The following SDK1 variants were observed in gnomAD, a reference collection of about 807,000 sequenced individuals.
SDK1 encodes the protein protein sidekick-1.
SDK1 carries 157 observed loss-of-function variants against 245.5 expected under a neutral mutation model. That is an observed-to-expected ratio of 0.64 (90% CI 0.56 to 0.73). The LOEUF is 0.73. SDK1 is among the 30% of genes least tolerant of loss of function. The probability of loss-of-function intolerance (pLI) is 0.00; values close to 1 mark genes in which losing one functional copy is unlikely to be tolerated. For synonymous variants in SDK1, 1,647 were observed against 1,278.5 expected (o/e 1.29, Z -6.15); for missense variants, 3,583 against 3,002.3 (o/e 1.19, Z -4.52).
intron 17 of SDK1, 112 bp downstream of exon 17, chr7:4,017,464 G>T: frequency 2.2e-6 from 2 of 915,334 alleles, no homozygotes; most frequent in Non-Finnish European, 3.2e-6. Context: ...GTCCCCTAGG[G>T]AGCGTTTACA....
In SDK1 at chr7:3,945,272, C is replaced by T. The variant is rs748448726; in HGVS notation, c.848-5651C>T. ...CACACTCTGGGATTTAGCGTCCCTT[C>T]GGAATAATAGTGAGTGTTTCACTTT... On this transcript the variant is annotated intron_variant, in intron 5 of 44. Coordinates refer to ENST00000404826, the MANE Select transcript of SDK1 (RefSeq NM_152744.4). Among the ~76,000 whole-genome samples the T allele has an allele frequency of 2.3e-4, 35 of 152,234 alleles. 1 individual carries two copies. Among genetic ancestry groups the T allele is most frequent in the Non-Finnish European group, 3.4e-4 (23 of 68,008 alleles).
chr7:4,075,958 TTTTTCTC>T (rs1247821468), intron 20 of SDK1, among the ~76,000 whole-genome samples: 2 of 152,094 alleles, frequency 1.3e-5, no homozygotes, highest in Non-Finnish European at 2.9e-5. Context: ...CCGCAGGTCT[TTTTTCTC>T]TAAGCCCCAA....
intron 34 of SDK1, among the ~76,000 whole-genome samples, chr7:4,177,488 G>A (rs1443926767): frequency 2.0e-5 from 3 of 152,172 alleles, no homozygotes; most frequent in Non-Finnish European, 4.4e-5. Context: ...GGACACGGCC[G>A]CTAAGGTCTC....
In SDK1 at chr7:4,063,146, A is replaced by G. The variant is rs532529480; in HGVS notation, c.2912-4692A>G. On this transcript the variant is annotated intron_variant, in intron 19 of 44. Coordinates refer to ENST00000404826, the MANE Select transcript of SDK1 (RefSeq NM_152744.4). The stretch of plus-strand genomic sequence containing the variant: ...AGGAATAAAAGGCATCTAAATTGGA[A>G]AAGAGGAAGTCAGATTGTTCTCTTT... Among the ~76,000 whole-genome samples the G allele has an allele frequency of 1.1e-4, 17 of 152,330 alleles. 1 individual carries two copies. Among genetic ancestry groups the G allele is most frequent in the Admixed American group, 2.6e-4 (4 of 15,308 alleles).
chr7:3,567,744 T>C (rs1298396790), intron 1 of SDK1, among the ~76,000 whole-genome samples: 1 of 152,250 alleles, frequency 6.6e-6, no homozygotes, highest in East Asian at 1.9e-4. Context: ...TAGAGGGCTG[T>C]GCCTTTGATG....
At position 4,138,804 on chromosome 7, in the gene SDK1, GA is replaced by G. The variant is rs1488500132; in HGVS notation, c.4228+6385del. On this transcript the variant is annotated intron_variant, in intron 28 of 44. Transcript: ENST00000404826. Reference sequence around the variant, plus strand: ...AAGGAAGGAGGGAAGGAAAAGAAAAGAAAAGAAAATTGATGACTAAAAAAAG... The same window carrying G: ...AAGGAAGGAGGGAAGGAAAAGAAAAGAAAGAAAATTGATGACTAAAAAAAG... Among the ~76,000 whole-genome samples the G allele has an allele frequency of 7.3e-5, 11 of 151,460 alleles. No individual in the cohort carries two copies. The East Asian group carries it at 2.1e-3, about 29-fold the overall frequency.
At chr7:3,634,281 T>C (rs1206931579) in intron 2 of SDK1, among the ~76,000 whole-genome samples, 2 of 152,192 alleles carry the variant, frequency 1.3e-5, no homozygotes, top group African/African-American at 2.4e-5. Flanking sequence ...CAGCAGTTGT[T>C]CCTGGGCTGA....
chr7:3,593,756 G>A (rs1414951911), intron 1 of SDK1, among the ~76,000 whole-genome samples: 1 of 152,150 alleles, frequency 6.6e-6, no homozygotes, highest in African/African-American at 2.4e-5. Context: ...TACGCAAGAG[G>A]GCATATGGCA....
chr7:3,687,433 C>G (rs948039165), intron 4 of SDK1, among the ~76,000 whole-genome samples: 1 of 152,174 alleles, frequency 6.6e-6, no homozygotes, highest in Non-Finnish European at 1.5e-5. Flanking sequence ...AGCCCCATAG[C>G]ATTTTTATTC....
intron 16 of SDK1, among the ~76,000 whole-genome samples, chr7:4,016,684 C>T (rs140302010): frequency 4.6e-5 from 7 of 152,248 alleles, no homozygotes; most frequent in East Asian, 1.9e-4. Flanking sequence ...TTTTCAAAGC[C>T]GCTGATTCTT....
At chr7:3,999,246 G>A (rs1026752974) in intron 14 of SDK1, among the ~76,000 whole-genome samples, 1 of 151,942 alleles carries the variant, frequency 6.6e-6, no homozygotes, top group Non-Finnish European at 1.5e-5. Context: ...CATTCCCTTG[G>A]GTACAGAGCA....
intron 1 of SDK1, among the ~76,000 whole-genome samples, chr7:3,564,887 A>G (rs1392874420): frequency 6.6e-6 from 1 of 152,112 alleles, no homozygotes; most frequent in Non-Finnish European, 1.5e-5. Flanking sequence ...TGAATGTAAC[A>G]GTGTACATTA....
intron 2 of SDK1, among the ~76,000 whole-genome samples, chr7:3,634,975 A>G (rs1441610211): frequency 2.0e-5 from 3 of 152,228 alleles, no homozygotes; most frequent in Admixed American, 6.5e-5. Context: ...TGTTGCAGTG[A>G]TAAAACTGTC....
At chr7:4,101,896 G>T (rs1269275997) in intron 22 of SDK1, among the ~76,000 whole-genome samples, 1 of 152,194 alleles carries the variant, frequency 6.6e-6, no homozygotes, top group Admixed American at 6.5e-5. Flanking sequence ...CAGATGGGGA[G>T]TGGAGGGAGA....
intron 1 of SDK1, among the ~76,000 whole-genome samples, chr7:3,492,112 T>C (rs1322067104): frequency 6.6e-6 from 1 of 152,212 alleles, no homozygotes; most frequent in Non-Finnish European, 1.5e-5. Context: ...AAATTTCCCC[T>C]AATAGATATT....
At chr7:4,170,996 C>G (rs1213758297) in intron 32 of SDK1, among the ~76,000 whole-genome samples, 1 of 152,240 alleles carries the variant, frequency 6.6e-6, no homozygotes, top group Admixed American at 6.5e-5. Flanking sequence ...CCAGCCTCGA[C>G]TGTGCCTGTA....
intron 4 of SDK1, among the ~76,000 whole-genome samples, chr7:3,750,174 C>T (rs1171822473): frequency 6.6e-6 from 1 of 152,140 alleles, no homozygotes; most frequent in Non-Finnish European, 1.5e-5. Flanking sequence ...ATTTGTTTAT[C>T]ATTGCAAAAG....
intron 4 of SDK1, among the ~76,000 whole-genome samples, chr7:3,704,173 G>A (rs1160802639): frequency 1.3e-5 from 2 of 152,060 alleles, no homozygotes; most frequent in African/African-American, 4.8e-5. Context: ...TACTTCACTT[G>A]GAATAATGGC....
intron 1 of SDK1, among the ~76,000 whole-genome samples, chr7:3,590,746 T>G (rs970302330): frequency 4.0e-5 from 6 of 151,892 alleles, no homozygotes; most frequent in Non-Finnish European, 8.8e-5. Flanking sequence ...CCTTTAGATT[T>G]AATGGGTCTG....
Sources: gnomAD v4.1 joint callset for allele counts (sites outside exome capture counted in the v4.1 genomes callset) on GRCh38, gnomAD v4.1.1 for gene constraint, MANE v1.5 for transcripts, NCBI Gene and HGNC (gene_info 2026-07-23, HGNC 2026-07-21) for gene names.